SLC7A9: variants seen among roughly 807,000 people sequenced by gnomAD.
SLC7A9 encodes the protein B(0,+)-type amino acid transporter 1.
A neutral mutation model predicts 54.1 loss-of-function variants in SLC7A9; 38 were observed. The ratio of observed to expected loss-of-function variants is 0.70; its 90% CI spans 0.54 to 0.92. The LOEUF is 0.92. Among genes scored for constraint, SLC7A9 ranks in the 40% least tolerant of loss-of-function variants. SLC7A9 has a pLI of 0.00. For synonymous variants in SLC7A9, 264 were observed against 258.9 expected, an observed-to-expected ratio of 1.02 and a Z score of -0.19; for missense variants, 537 against 636.1, an observed-to-expected ratio of 0.84 and a Z score of 1.68.
At chr19:32,845,249 C>G (rs1242843386) in intron 9 of SLC7A9, among the ~76,000 whole-genome samples, 3 of 152,154 alleles carry the variant, frequency 2.0e-5, no homozygotes, top group Non-Finnish European at 2.9e-5. Context: ...ACTCCCAGCA[C>G]TTTGGGAGGC....
chr19:32,854,842 C>T (rs930923999), intron 9 of SLC7A9, among the ~76,000 whole-genome samples: 1 of 152,194 alleles, frequency 6.6e-6, no homozygotes, highest in Admixed American at 6.5e-5. Context: ...CCCACCTCGG[C>T]CTCCCAAAGT....
intron 2 of SLC7A9, 130 bp downstream of exon 2, chr19:32,868,318 A>C (rs1969038876): frequency 1.4e-6 from 1 of 714,428 alleles, no homozygotes; most frequent in African/African-American, 1.8e-5. Context: ...TTAAAGATGT[A>C]CTTCACAAAT....
At chr19:32,868,249 A>G (rs1310946905) in intron 2 of SLC7A9, among the ~76,000 whole-genome samples, 199 bp downstream of exon 2, 1 of 147,608 alleles carries the variant, frequency 6.8e-6, no homozygotes, top group African/African-American at 2.5e-5. Context: ...AAAAAAAAAA[A>G]AGAAGATGCA....
At chr19:32,846,927 G>A (rs1002530312) in intron 9 of SLC7A9, among the ~76,000 whole-genome samples, 1 of 152,212 alleles carries the variant, frequency 6.6e-6, no homozygotes, top group Non-Finnish European at 1.5e-5. Flanking sequence ...GGCAAAAAGG[G>A]TCTGGAGTAG....
chr19:32,868,394 T>C, intron 2 of SLC7A9, 54 bp downstream of exon 2: 5 of 1,421,328 alleles, frequency 3.5e-6, no homozygotes, highest in Non-Finnish European at 4.0e-6. Context: ...CGCCCCTCGT[T>C]CAGACGCCCT....
At chr19:32,862,636 GGA>G (rs745976169) in intron 4 of SLC7A9, 50 bp from the exon 5 acceptor site, 5 of 1,587,178 alleles carry the variant, frequency 3.2e-6, no homozygotes, top group East Asian at 2.3e-5. Flanking sequence ...GCAAAGCCCT[GGA>G]GAGAGTCTCC....
intron 2 of SLC7A9, among the ~76,000 whole-genome samples, chr19:32,865,987 C>T (rs1168688433): frequency 6.7e-6 from 1 of 150,160 alleles, no homozygotes; most frequent in Non-Finnish European, 1.5e-5. Flanking sequence ...CTGCACATTA[C>T]ACTGTATGTA....
At chr19:32,865,280 G>T (rs1968934786) in intron 2 of SLC7A9, among the ~76,000 whole-genome samples, 1 of 152,188 alleles carries the variant, frequency 6.6e-6, no homozygotes, top group Admixed American at 6.5e-5. Context: ...ACTTTCTGTG[G>T]TGCCATTTTC....
At chr19:32,846,819 A>C (rs1175384016) in intron 9 of SLC7A9, among the ~76,000 whole-genome samples, 1 of 152,224 alleles carries the variant, frequency 6.6e-6, no homozygotes, top group African/African-American at 2.4e-5. Context: ...TCTGAGACAA[A>C]AATTCCAGAG....
At chr19:32,864,532 G>T in intron 3 of SLC7A9, 97 bp downstream of exon 3, 1 of 1,546,346 alleles carries the variant, frequency 6.5e-7, no homozygotes, top group Non-Finnish European at 8.9e-7. Context: ...CATGTGCCAA[G>T]AGGGATACTG....
intron 12 of SLC7A9, chr19:32,832,927 G>C (rs1398070978): frequency 1.8e-6 from 1 of 559,844 alleles, no homozygotes; most frequent in Non-Finnish European, 3.3e-6. Context: ...AAAGAAAATG[G>C]TGCTTTCCCT....
rs754257458 is a variant in SLC7A9, at chr19:32,860,614, G to T, written c.741C>A (p.Asn247Lys). ...QLNYITEELR[N>K]PYRNLPLAII... ...ACTGATTCAGCTGTTACCTGTAAGG[G>T]TTTCTAAGTTCTTCTGTGATGTAAT... Residue 247 changes from asparagine to lysine, a missense_variant, in exon 7 of 13, where the codon AAC (asparagine) becomes AAA (lysine). Transcript: ENST00000023064. The T allele has an allele frequency of 6.2e-7, 1 of 1,614,144 alleles. No homozygotes were observed. Among genetic ancestry groups the T allele is most frequent in the East Asian group, 2.2e-5 (1 of 44,888 alleles).
At chr19:32,868,417 A>C in intron 2 of SLC7A9, 31 bp downstream of exon 2, 1 of 1,584,538 alleles carries the variant, frequency 6.3e-7, no homozygotes, top group Non-Finnish European at 8.7e-7. Flanking sequence ...CCTAACCTGC[A>C]AAGGGCCTGC....
At chr19:32,855,506 T>C (rs12461763) in intron 9 of SLC7A9, among the ~76,000 whole-genome samples, 10,323 of 152,096 alleles carry the variant, frequency 0.068, 461 homozygotes, top group East Asian at 0.2. Flanking sequence ...AAGACCATCC[T>C]GGCAAACACG....
intron 11 of SLC7A9, 94 bp from the exon 12 acceptor site, chr19:32,833,417 G>T (rs1027775785): frequency 2.9e-6 from 3 of 1,025,376 alleles, no homozygotes; most frequent in Non-Finnish European, 3.0e-6. Flanking sequence ...TGAACTCCAT[G>T]TACCCCCTCC....
chr19:32,859,782 C>G, intron 8 of SLC7A9, 59 bp downstream of exon 8: 2 of 1,423,040 alleles, frequency 1.4e-6, no homozygotes, highest in Non-Finnish European at 9.9e-7. Flanking sequence ...GTGCTGACAC[C>G]TGCCTTACCC....
intron 6 of SLC7A9, 83 bp from the exon 7 acceptor site, chr19:32,860,733 A>G: frequency 3.2e-6 from 5 of 1,564,374 alleles, no homozygotes; most frequent in South Asian, 1.1e-5. Context: ...TGTTGGCCTC[A>G]TTTAAGATTC....
Position 32,830,536 on chromosome 19 carries a change from T to C in SLC7A9, c.*84A>G. ...TTTTAAACATCTGAGTATATTTTATTCGTAAGAAAAAAAGGAAGAAATAAC... is the reference window on the plus strand; with the variant it reads ...TTTTAAACATCTGAGTATATTTTATCCGTAAGAAAAAAAGGAAGAAATAAC... On this transcript the variant is annotated 3_prime_UTR_variant, in exon 13 of 13. Transcript: ENST00000023064. 3 of 1,023,760 alleles carry C rather than the reference T, an allele frequency of 2.9e-6. No individual in the cohort carries two copies. Among genetic ancestry groups the C allele is most frequent in the Non-Finnish European group, 4.7e-6 (3 of 644,028 alleles). The allele number at this position is 1,023,760 out of a possible 1,614,324, so 63.4% of individuals were successfully genotyped here. A position where few individuals can be genotyped will look rare whatever the true frequency, so the allele number is the denominator to read the frequency against.
At chr19:32,845,145 C>G (rs1968248745) in intron 9 of SLC7A9, among the ~76,000 whole-genome samples, 1 of 147,516 alleles carries the variant, frequency 6.8e-6, no homozygotes, top group South Asian at 2.2e-4. Flanking sequence ...GCCTGGGTGA[C>G]AGAGTGAGAT....
Sources: allele counts gnomAD v4.1 joint callset (sites outside exome capture counted in the v4.1 genomes callset), GRCh38; gene constraint gnomAD v4.1.1; transcripts MANE v1.5; gene names NCBI Gene and HGNC (gene_info 2026-07-23, HGNC 2026-07-21).